Variants in TENM3 observed in about 807,000 individuals in gnomAD.
TENM3 encodes teneurin-3.
TENM3 carries 63 observed loss-of-function variants against 255.1 expected under a neutral mutation model. The ratio of observed to expected loss-of-function variants is 0.25; its 90% CI spans 0.20 to 0.30. The LOEUF (loss-of-function observed/expected upper bound fraction) is 0.30, where lower values mean the gene tolerates loss of function less well. Among genes scored for constraint, TENM3 ranks in the 10% least tolerant of loss-of-function variants. TENM3 has a pLI of 1.00. For synonymous variants in TENM3, 1,306 were observed against 1,322.3 expected (o/e 0.99, Z 0.27); for missense variants, 2,929 against 3,461.1 (o/e 0.85, Z 3.86).
chr4:181,809,146 C>T, the TENM3 span, among the ~76,000 whole-genome samples: 1 of 152,074 alleles, frequency 6.6e-6, no homozygotes, highest in East Asian at 1.9e-4. Flanking sequence ...TGAAGAAGCT[C>T]ACAAAGAAAG....
chr4:181,867,752 G>A, the TENM3 span, among the ~76,000 whole-genome samples: 1 of 152,106 alleles, frequency 6.6e-6, no homozygotes, highest in African/African-American at 2.4e-5. Flanking sequence ...GTTTTTCCAG[G>A]CTTGTACCAT....
At chr4:182,633,084 C>T (rs1214141420) in intron 5 of TENM3, among the ~76,000 whole-genome samples, 1 of 152,046 alleles carries the variant, frequency 6.6e-6, no homozygotes, top group Non-Finnish European at 1.5e-5. Context: ...CACACACCAC[C>T]ATGCCCAGCT....
At chr4:182,034,080 G>T in the TENM3 span, among the ~76,000 whole-genome samples, 1 of 152,280 alleles carries the variant, frequency 6.6e-6, no homozygotes, top group African/African-American at 2.4e-5. Flanking sequence ...CAAAGGAGAA[G>T]CCAAGGCGTG....
At chr4:181,716,918 G>C in the TENM3 span, among the ~76,000 whole-genome samples, 1 of 152,100 alleles carries the variant, frequency 6.6e-6, no homozygotes, top group Non-Finnish European at 1.5e-5. Context: ...AACAAAAACT[G>C]TTTCTCAGAA....
upstream of TENM3, chr4:182,143,590 T>C (rs910499410): frequency 1.2e-5 from 2 of 166,912 alleles, no homozygotes; most frequent in African/African-American, 4.8e-5. The surrounding 1 kb of genome is among the most constrained non-coding windows in gnomAD (Gnocchi z 4.3). Flanking sequence ...GGTTAGAGGT[T>C]TGATTACACA....
Position 182,600,970 on chromosome 4 carries a change from G to C in TENM3, c.558G>C (p.Pro186=). Residue 186 remains proline (P), a synonymous_variant, in exon 4 of 28, where the codon CCG becomes CCC. Transcript: ENST00000511685. ...NQGQSTLQPL[P]PSHKQHSAQH... The stretch of plus-strand genomic sequence containing the variant: ...GCCAGTCTACCCTGCAGCCCTTGCC[G>C]CCTTCCCATAAGCAGCACTCTGCAC... The C allele has an allele frequency of 2.7e-6, 4 of 1,477,242 alleles. No homozygotes were observed. The highest frequency in any genetic ancestry group is 3.6e-6 in the Non-Finnish European group (4 of 1,107,502). The allele number at this position is 1,477,242 out of a possible 1,614,324, so 91.5% of individuals were successfully genotyped here.
chr4:181,601,302 G>A, the TENM3 span, among the ~76,000 whole-genome samples: 31 of 152,320 alleles, frequency 2.0e-4, no homozygotes, highest in African/African-American at 6.7e-4. Context: ...CCTCTGGTAT[G>A]TTCGTTTGCT....
the TENM3 span, among the ~76,000 whole-genome samples, chr4:182,001,711 T>C: frequency 2.6e-5 from 4 of 152,098 alleles, no homozygotes; most frequent in African/African-American, 9.7e-5. Context: ...ATCTCTAAAG[T>C]GCATTGAGTT....
the TENM3 span, among the ~76,000 whole-genome samples, chr4:181,463,988 C>A: frequency 6.6e-6 from 1 of 152,106 alleles, no homozygotes; most frequent in African/African-American, 2.4e-5. Flanking sequence ...ACTTTTTACT[C>A]CTTTTATTGG....
intron 3 of TENM3, among the ~76,000 whole-genome samples, chr4:182,469,349 A>G (rs1294979583): frequency 6.6e-6 from 1 of 152,324 alleles, no homozygotes; most frequent in South Asian, 2.1e-4. Context: ...ATTAAAGTTC[A>G]GAAGAGTTAT....
intron 3 of TENM3, among the ~76,000 whole-genome samples, chr4:182,441,945 TAGAC>T (rs1427876965): frequency 6.6e-6 from 1 of 152,000 alleles, no homozygotes; most frequent in East Asian, 1.9e-4. Context: ...TACAGACAAG[TAGAC>T]AGGGAGCAGA....
the TENM3 span, among the ~76,000 whole-genome samples, chr4:181,725,908 G>A: frequency 6.6e-6 from 1 of 152,046 alleles, no homozygotes; most frequent in Admixed American, 6.5e-5. Flanking sequence ...TTAGGGAAAA[G>A]CTTAATATCT....
the TENM3 span, among the ~76,000 whole-genome samples, chr4:181,694,267 G>A: frequency 6.6e-6 from 1 of 152,158 alleles, no homozygotes; most frequent in Non-Finnish European, 1.5e-5. Flanking sequence ...CAGGTCTGCT[G>A]CTGGCTCAAG....
intron 3 of TENM3, among the ~76,000 whole-genome samples, chr4:182,589,426 G>A (rs573425192): frequency 4.9e-5 from 7 of 144,194 alleles, no homozygotes; most frequent in Non-Finnish European, 7.6e-5. Flanking sequence ...TTTTCATAGT[G>A]TCTAATTCTT....
chr4:182,232,189 G>C (rs2150021158), intron 1 of TENM3, among the ~76,000 whole-genome samples: 1 of 152,220 alleles, frequency 6.6e-6, no homozygotes, highest in South Asian at 2.1e-4. Context: ...CCTTCTGGCT[G>C]AAAGGGCTCG....
chr4:182,165,449 GT>G (rs1396544081), intron 1 of TENM3, among the ~76,000 whole-genome samples: 2 of 152,138 alleles, frequency 1.3e-5, no homozygotes, highest in Non-Finnish European at 2.9e-5. Flanking sequence ...TGCCTCTATG[GT>G]TTAACATCCT....
chr4:181,628,586 A>G, the TENM3 span, among the ~76,000 whole-genome samples: 299 of 152,378 alleles, frequency 2.0e-3, 3 homozygotes, highest in Middle Eastern at 6.8e-3. Flanking sequence ...CTTATTAAAT[A>G]GGGAATCCTT....
chr4:182,206,871 GTTCT>G (rs1754617661), intron 1 of TENM3, among the ~76,000 whole-genome samples: 1 of 152,030 alleles, frequency 6.6e-6, no homozygotes, highest in East Asian at 1.9e-4. Context: ...CAAAATTCCC[GTTCT>G]TTCTTTCTCT....
chr4:181,817,238 A>C, the TENM3 span, among the ~76,000 whole-genome samples: 1 of 152,182 alleles, frequency 6.6e-6, no homozygotes, highest in Non-Finnish European at 1.5e-5. Flanking sequence ...AGGGCTTCTC[A>C]ACCTTAGCAC....
Sources: gnomAD v4.1 joint callset for allele counts (sites outside exome capture counted in the v4.1 genomes callset) on GRCh38, gnomAD v4.1.1 for gene constraint, Gnocchi (gnomAD v3.1) non-coding constraint, MANE v1.5 for transcripts, NCBI Gene and HGNC (gene_info 2026-07-23, HGNC 2026-07-21) for gene names.